The following CACNA1D variants were observed in gnomAD, a reference collection of about 807,000 sequenced individuals.
CACNA1D encodes voltage-dependent L-type calcium channel subunit alpha-1D.
Under a neutral mutation model 257.1 loss-of-function variants are expected in CACNA1D, and 55 were observed. The ratio of observed to expected loss-of-function variants is 0.21; its 90% CI spans 0.17 to 0.27. The LOEUF (loss-of-function observed/expected upper bound fraction) is 0.27, where lower values mean the gene tolerates loss of function less well. Ranked by LOEUF, CACNA1D falls within the 10% of genes least tolerant of loss-of-function variation. The pLI, the probability that CACNA1D is intolerant of heterozygous loss-of-function variation, is 1.00. For missense variants in CACNA1D, 1,876 were observed against 2,784.0 expected (o/e 0.67, Z 7.34); for synonymous variants, 980 against 1,014.9 (o/e 0.97, Z 0.65).
At chr3:53,764,201 T>C (rs1375020347) in intron 30 of CACNA1D, among the ~76,000 whole-genome samples, 1 of 152,236 alleles carries the variant, frequency 6.6e-6, no homozygotes, top group Non-Finnish European at 1.5e-5. Flanking sequence ...TTCAGATATG[T>C]AAATGATGCT....
intron 19 of CACNA1D, among the ~76,000 whole-genome samples, chr3:53,734,856 G>T (rs924823781): frequency 7.9e-5 from 12 of 152,178 alleles, no homozygotes; most frequent in African/African-American, 2.7e-4. Flanking sequence ...GTTACTGCAG[G>T]TCACTATAAA....
chr3:53,736,837 G>T (rs1438489481), intron 20 of CACNA1D, among the ~76,000 whole-genome samples: 2 of 151,254 alleles, frequency 1.3e-5, no homozygotes, highest in East Asian at 3.9e-4. Flanking sequence ...GAAGTCAGCT[G>T]TGTTCACACC....
chr3:53,498,060 T>G (rs575213508), intron 2 of CACNA1D, among the ~76,000 whole-genome samples: 141 of 152,314 alleles, frequency 9.3e-4, no homozygotes, highest in African/African-American at 3.2e-3. Context: ...TTTTTTTCTC[T>G]GATCAGTGCT....
chr3:53,774,457 G>C lies in CACNA1D; in HGVS notation c.4111-130G>C, dbSNP rs896220902. 5 of 692,448 alleles carry C rather than the reference G, an allele frequency of 7.2e-6. No homozygotes were observed. Among genetic ancestry groups the C allele is most frequent in the Non-Finnish European group, 1.1e-5 (4 of 379,288 alleles). 42.9% of individuals were successfully genotyped at this position (692,448 alleles called of 1,614,324 possible). A position where few individuals can be genotyped will look rare whatever the true frequency, so the allele number is the denominator to read the frequency against. ...TGCCTGGCAGATCTTTTTTGAATGA[G>C]TGAAGTGCCAGGTACCATGAGAAAA... On this transcript the variant is annotated intron_variant, in intron 33 of 47. Coordinates refer to ENST00000350061, the MANE Select transcript of CACNA1D (RefSeq NM_001128840.3). The surrounding 1 kb of genome is among the most constrained non-coding windows in gnomAD (Gnocchi z 4.3).
Position 53,494,804 on chromosome 3 carries a change from G to C in CACNA1D, c.-363G>C, listed in dbSNP as rs1478864813. On this transcript the variant is annotated 5_prime_UTR_variant, in exon 1 of 48. Transcript: ENST00000350061. ...GGAGCGCCGAGCGGCCCCGGCGGCCGGGCCGGCATCACCGCGGCGTCTCTC... is the reference window on the plus strand; with the variant it reads ...GGAGCGCCGAGCGGCCCCGGCGGCCCGGCCGGCATCACCGCGGCGTCTCTC... The C allele has an allele frequency of 1.3e-5, 2 of 155,286 alleles. No individual in the cohort carries two copies. The highest frequency in any genetic ancestry group is 4.9e-5 in the African/African-American group (2 of 41,080). 9.6% of individuals were successfully genotyped at this position (155,286 alleles called of 1,614,324 possible). A position where few individuals can be genotyped will look rare whatever the true frequency, so the allele number is the denominator to read the frequency against.
intron 21 of CACNA1D, among the ~76,000 whole-genome samples, chr3:53,741,625 T>G (rs1260450396): frequency 6.6e-6 from 1 of 152,166 alleles, no homozygotes; most frequent in Non-Finnish European, 1.5e-5. Context: ...AGGTGTGCAG[T>G]GGGATGGTGA....
intron 22 of CACNA1D, among the ~76,000 whole-genome samples, chr3:53,743,664 G>T (rs1381048421): frequency 6.6e-6 from 1 of 152,240 alleles, no homozygotes; most frequent in Non-Finnish European, 1.5e-5. Flanking sequence ...AGCGATTTCT[G>T]GTGGGAACAG....
Position 53,494,674 on chromosome 3 carries a change from C to T in CACNA1D, c.-493C>T, listed in dbSNP as rs2090273336. On this transcript the variant is annotated 5_prime_UTR_variant, in exon 1 of 48. Coordinates refer to ENST00000350061, the MANE Select transcript of CACNA1D (RefSeq NM_001128840.3). The stretch of plus-strand genomic sequence containing the variant: ...AGCGGGCGGGCGAGCGCCTCCGTCC[C>T]CGGATGTGAGCTCCGGCTGCCCGCG... 1 of 145,736 alleles carries T rather than the reference C, an allele frequency of 6.9e-6. No homozygotes were observed. Among genetic ancestry groups the T allele is most frequent in the Admixed American group, 6.8e-5 (1 of 14,622 alleles). The allele number at this position is 145,736 out of a possible 1,614,324, so 9.0% of individuals were successfully genotyped here.
chr3:53,626,941 C>A (rs377093714), intron 3 of CACNA1D, among the ~76,000 whole-genome samples: 1 of 152,140 alleles, frequency 6.6e-6, no homozygotes, highest in Non-Finnish European at 1.5e-5. Context: ...AGTAAGGGGG[C>A]GTGGGCTGCT....
At chr3:53,550,481 G>A (rs1322731382) in intron 3 of CACNA1D, among the ~76,000 whole-genome samples, 2 of 152,194 alleles carry the variant, frequency 1.3e-5, no homozygotes, top group African/African-American at 4.8e-5. Context: ...GCCTTCCTGT[G>A]TAAGTGGGTC....
At chr3:53,644,286 C>T (rs1452721666) in intron 3 of CACNA1D, among the ~76,000 whole-genome samples, 1 of 152,182 alleles carries the variant, frequency 6.6e-6, no homozygotes, top group Non-Finnish European at 1.5e-5. Context: ...AACTAATTAA[C>T]ATATCTATTA....
chr3:53,587,345 C>CA (rs1403307884), intron 3 of CACNA1D, among the ~76,000 whole-genome samples: 1 of 152,084 alleles, frequency 6.6e-6, no homozygotes, highest in Non-Finnish European at 1.5e-5. Flanking sequence ...TGGTAGAGGA[C>CA]AACAGGTAAT....
At chr3:53,768,521 T>A (rs1230657116) in intron 30 of CACNA1D, among the ~76,000 whole-genome samples, 1 of 152,154 alleles carries the variant, frequency 6.6e-6, no homozygotes, top group African/African-American at 2.4e-5. Flanking sequence ...ACATTGTCTG[T>A]CCCTTTAAGG....
At chr3:53,756,117 G>C (rs2095263387) in intron 29 of CACNA1D, among the ~76,000 whole-genome samples, 1 of 152,200 alleles carries the variant, frequency 6.6e-6, no homozygotes, top group Non-Finnish European at 1.5e-5. Context: ...CAGGCTGGCA[G>C]AGTTTCAGTT....
At chr3:53,809,798 A>G (rs1480578714) in intron 46 of CACNA1D, 180 bp from the exon 47 acceptor site, 1 of 650,050 alleles carries the variant, frequency 1.5e-6, no homozygotes, top group Admixed American at 2.4e-5. Flanking sequence ...ACAGTCTGCT[A>G]GAAAACAAAG....
chr3:53,506,266 C>G (rs1257191265), intron 3 of CACNA1D, among the ~76,000 whole-genome samples: 1 of 152,232 alleles, frequency 6.6e-6, no homozygotes, highest in Non-Finnish European at 1.5e-5. Flanking sequence ...CCCCGCCTGC[C>G]TACATCTGAG....
At chr3:53,520,864 TTC>T (rs2091531122) in intron 3 of CACNA1D, among the ~76,000 whole-genome samples, 1 of 80,686 alleles carries the variant, frequency 1.2e-5, no homozygotes, top group Non-Finnish European at 2.3e-5. Context: ...CTTTCTTTCT[TTC>T]TTTCTTTCTT....
chr3:53,538,267 C>T (rs2092183248), intron 3 of CACNA1D, among the ~76,000 whole-genome samples: 1 of 148,932 alleles, frequency 6.7e-6, no homozygotes, highest in South Asian at 2.2e-4. Context: ...CGTGCCTTAG[C>T]TTACTGAGTA....
In CACNA1D at chr3:53,805,025, C is replaced by T. The variant is rs756947491; in HGVS notation, c.5628C>T (p.Ile1876=). 65 of 1,614,002 alleles carry T rather than the reference C, an allele frequency of 4.0e-5. No homozygotes were observed. The highest frequency in any genetic ancestry group is 6.6e-5 in the South Asian group (6 of 91,082). The stretch of plus-strand genomic sequence containing the variant: ...ACAGCAGATACCCAGGCAGAAACAT[C>T]GACTCTGAGAGGCCCCGAGGCTACC... ...GYYSRYPGRN[I]DSERPRGYHH... The change falls in exon 45 of 48, where the codon ATC becomes ATT. Residue 1876 remains isoleucine, a synonymous_variant. Transcript: ENST00000350061.
Sources: gnomAD v4.1 joint callset for allele counts (sites outside exome capture counted in the v4.1 genomes callset) on GRCh38, gnomAD v4.1.1 for gene constraint, Gnocchi (gnomAD v3.1) non-coding constraint, MANE v1.5 for transcripts, NCBI Gene and HGNC (gene_info 2026-07-23, HGNC 2026-07-21) for gene names.